Variants in NDST4 observed in about 807,000 individuals in gnomAD.
The protein encoded by NDST4 is N-heparan sulfate sulfotransferase 4.
Under a neutral mutation model 100.8 loss-of-function variants are expected in NDST4, and 63 were observed. The observed-to-expected ratio is 0.62, with a 90% CI of 0.51 to 0.77. The LOEUF is 0.77. Among genes scored for constraint, NDST4 ranks in the 30% least tolerant of loss-of-function variants. The pLI, the probability that NDST4 is intolerant of heterozygous loss-of-function variation, is 0.00. For synonymous variants in NDST4, 377 were observed against 361.8 expected, an observed-to-expected ratio of 1.04 and a Z score of -0.48; for missense variants, 943 against 1,018.4, an observed-to-expected ratio of 0.93 and a Z score of 1.01.
chr4:114,873,719 C>T (rs1311387583), intron 6 of NDST4, among the ~76,000 whole-genome samples: 3 of 151,850 alleles, frequency 2.0e-5, no homozygotes, highest in African/African-American at 7.3e-5. Context: ...GCATTCGATC[C>T]CAATAAGTAT....
intron 3 of NDST4, among the ~76,000 whole-genome samples, chr4:114,973,180 A>G (rs935220736): frequency 4.6e-5 from 7 of 152,042 alleles, no homozygotes; most frequent in Non-Finnish European, 8.8e-5. Flanking sequence ...CTTCCTGTAA[A>G]CATTTATTTT....
intron 2 of NDST4, among the ~76,000 whole-genome samples, chr4:115,036,670 C>T (rs1334818714): frequency 6.6e-6 from 1 of 151,788 alleles, no homozygotes; most frequent in Non-Finnish European, 1.5e-5. Context: ...GCAAGTTGAG[C>T]ATCTTTTCTA....
rs377730615 is a variant in NDST4 at position 114,935,781 on chromosome 4, T to C, written c.1408-447A>G. Among the ~76,000 whole-genome samples the C allele has an allele frequency of 2.6e-5, 4 of 152,286 alleles. No homozygotes were observed. In the East Asian group the frequency reaches 7.7e-4, roughly 29 times the overall value. ...TTGGTTTTCATAACCCCTTCCACAT[T>C]AGCTTTGTTTTCACTACAATCTGAA... On this transcript the variant is annotated intron_variant, in intron 5 of 13. Transcript: ENST00000264363.
At chr4:115,105,542 C>A (rs977997284) in intron 1 of NDST4, among the ~76,000 whole-genome samples, 1 of 152,102 alleles carries the variant, frequency 6.6e-6, no homozygotes, top group Non-Finnish European at 1.5e-5. Context: ...ACTGCTAGAG[C>A]TGGATTTAGG....
At chr4:115,069,171 G>C (rs1254054741) in intron 2 of NDST4, among the ~76,000 whole-genome samples, 1 of 152,102 alleles carries the variant, frequency 6.6e-6, no homozygotes, top group East Asian at 1.9e-4. Context: ...AAGTATTTTA[G>C]TAAAGGCATA....
intron 2 of NDST4, among the ~76,000 whole-genome samples, chr4:114,988,535 G>T (rs1726964748): frequency 1.3e-5 from 2 of 151,236 alleles, no homozygotes. Flanking sequence ...CTAATTTTTT[G>T]TATTTTTAGT....
chr4:114,928,833 G>A (rs1207352894), intron 6 of NDST4, among the ~76,000 whole-genome samples: 3 of 152,026 alleles, frequency 2.0e-5, no homozygotes, highest in African/African-American at 7.2e-5. Flanking sequence ...CTCTGCCTTT[G>A]AACTCTAACT....
At chr4:114,841,625 G>T (rs983013778) in intron 10 of NDST4, among the ~76,000 whole-genome samples, 1 of 152,156 alleles carries the variant, frequency 6.6e-6, no homozygotes, top group Non-Finnish European at 1.5e-5. Flanking sequence ...CATGCTTTCT[G>T]CTAGGGAAAT....
intron 6 of NDST4, among the ~76,000 whole-genome samples, chr4:114,925,456 C>T (rs1725368423): frequency 6.6e-6 from 1 of 152,138 alleles, no homozygotes; most frequent in South Asian, 2.1e-4. Context: ...TTTCTCTAAC[C>T]TGTCTGAAGA....
chr4:114,943,867 T>A (rs1338455975), intron 4 of NDST4, among the ~76,000 whole-genome samples: 1 of 152,174 alleles, frequency 6.6e-6, no homozygotes, highest in Non-Finnish European at 1.5e-5. Context: ...AGAATTCCTC[T>A]GCTTGAAATA....
chr4:114,914,592 G>A (rs1725129762), intron 6 of NDST4, among the ~76,000 whole-genome samples: 1 of 152,146 alleles, frequency 6.6e-6, no homozygotes, highest in Non-Finnish European at 1.5e-5. Flanking sequence ...ACAAGCTAGG[G>A]ACTGTGTGTA....
chr4:115,014,588 A>G (rs2583524), intron 2 of NDST4, among the ~76,000 whole-genome samples: 131,943 of 152,054 alleles, frequency 0.87, 57,718 homozygotes, highest in African/African-American at 0.91. Context: ...CAGAACAGAA[A>G]AAGGCTCTGC....
intron 6 of NDST4, among the ~76,000 whole-genome samples, chr4:114,912,838 A>G (rs1725091226): frequency 1.3e-5 from 2 of 152,158 alleles, no homozygotes; most frequent in Admixed American, 6.5e-5. Flanking sequence ...ACTTGTTTTT[A>G]CTTTTTATAT....
chr4:115,054,954 C>A (rs984660098), intron 2 of NDST4, among the ~76,000 whole-genome samples: 3 of 152,080 alleles, frequency 2.0e-5, no homozygotes, highest in African/African-American at 4.8e-5. Flanking sequence ...AGCAACCAGG[C>A]CACATAGCAG....
intron 4 of NDST4, among the ~76,000 whole-genome samples, chr4:114,967,376 G>A (rs932451703): frequency 3.9e-5 from 6 of 151,992 alleles, no homozygotes; most frequent in East Asian, 3.9e-4. Flanking sequence ...TTCTAGCCAC[G>A]CTGACTAAAC....
chr4:114,893,031 G>A (rs1336982574), intron 6 of NDST4, among the ~76,000 whole-genome samples: 2 of 152,076 alleles, frequency 1.3e-5, no homozygotes, highest in Non-Finnish European at 2.9e-5. Context: ...TGCTGAGGAT[G>A]ATGGTTTCCA....
chr4:114,992,879 TG>T (rs1727072302), intron 2 of NDST4, among the ~76,000 whole-genome samples: 1 of 151,840 alleles, frequency 6.6e-6, no homozygotes, highest in African/African-American at 2.4e-5. Context: ...CTCTAGCTCC[TG>T]GGTATAGGTG....
intron 1 of NDST4, among the ~76,000 whole-genome samples, chr4:115,100,654 T>G (rs1729711691): frequency 6.6e-6 from 1 of 152,104 alleles, no homozygotes; most frequent in South Asian, 2.1e-4. Context: ...GTATATTTCC[T>G]TAATAACATT....
intron 2 of NDST4, among the ~76,000 whole-genome samples, chr4:115,058,268 T>C (rs1200139487): frequency 1.3e-5 from 2 of 152,194 alleles, no homozygotes; most frequent in African/African-American, 4.8e-5. Context: ...CCTTGTATAA[T>C]GTTAATGATA....
Sources: allele counts gnomAD v4.1 joint callset (sites outside exome capture counted in the v4.1 genomes callset), GRCh38; gene constraint gnomAD v4.1.1; transcripts MANE v1.5; gene names NCBI Gene and HGNC (gene_info 2026-07-23, HGNC 2026-07-21).